Variants in RP9 observed in about 807,000 individuals in gnomAD.
The protein encoded by RP9 is retinitis pigmentosa 9 protein.
Under a neutral mutation model 32.6 loss-of-function variants are expected in RP9, and 23 were observed. The ratio of observed to expected loss-of-function variants is 0.71; its 90% CI spans 0.51 to 1.00. The LOEUF (loss-of-function observed/expected upper bound fraction) is 1.00. Ranked by LOEUF, RP9 falls within the 50% of genes least tolerant of loss-of-function variation. The pLI, the probability that RP9 is intolerant of heterozygous loss-of-function variation, is 0.00. For synonymous variants in RP9, 94 were observed against 103.6 expected, an observed-to-expected ratio of 0.91 and a Z score of 0.56; for missense variants, 245 against 285.3, an observed-to-expected ratio of 0.86 and a Z score of 1.02.
intron 1 of RP9, among the ~76,000 whole-genome samples, chr7:33,104,274 CTG>C (rs1554297096): frequency 1.3e-5 from 2 of 151,992 alleles, no homozygotes; most frequent in African/African-American, 4.8e-5. Flanking sequence ...ACTGCACAAA[CTG>C]GGGAACAACA....
intron 3 of RP9, among the ~76,000 whole-genome samples, chr7:33,098,938 A>C (rs1260740368): frequency 6.6e-6 from 1 of 152,216 alleles, no homozygotes; most frequent in Non-Finnish European, 1.5e-5. Flanking sequence ...AGAGAGGCTA[A>C]GGGGACCTGC....
chr7:33,098,348 C>T (rs6947994), intron 3 of RP9, among the ~76,000 whole-genome samples: 75,887 of 151,996 alleles, frequency 0.5, 19,232 homozygotes, highest in African/African-American at 0.57. Context: ...CACACCACTG[C>T]ACTCCAGCCC....
At chr7:33,106,956 C>A (rs1467876031) in intron 1 of RP9, among the ~76,000 whole-genome samples, 15 of 149,678 alleles carry the variant, frequency 1.0e-4, no homozygotes, top group East Asian at 3.9e-4. Flanking sequence ...AAAAAAAAAA[C>A]AAAAACCAAA....
intron 3 of RP9, 136 bp downstream of exon 3, chr7:33,099,170 TC>T: frequency 9.9e-7 from 1 of 1,005,928 alleles, no homozygotes; most frequent in Non-Finnish European, 1.6e-6. Flanking sequence ...GGTGGATGCT[TC>T]CTTATCTAGA....
intron 5 of RP9, 121 bp downstream of exon 5, chr7:33,096,372 T>C: frequency 2.6e-6 from 2 of 767,760 alleles, no homozygotes; most frequent in Non-Finnish European, 4.6e-6. Flanking sequence ...GCACTCCACA[T>C]ATTTTCACAA....
At position 33,109,394 on chromosome 7, in the gene RP9, CG is replaced by C; in HGVS notation, c.-23del. 8.5e-7 allele frequency: 1 copy of C among 1,175,428 alleles called. No homozygotes were observed. The highest frequency in any genetic ancestry group is 1.1e-6 in the Non-Finnish European group (1 of 951,228). The allele number at this position is 1,175,428 out of a possible 1,614,324, so 72.8% of individuals were successfully genotyped here. A position where few individuals can be genotyped will look rare whatever the true frequency, so the allele number is the denominator to read the frequency against. On this transcript the variant is annotated 5_prime_UTR_variant, in exon 1 of 6. Transcript: ENST00000297157. This position sits in a 1 kb window ranked among gnomAD's most constrained non-coding sequence, Gnocchi z 4.9. ...ACATGTCAGCCCCCGCAGCGCCGCT[CG>C]GGCAACCCCCGCGGCGCGGCTCCGG...
chr7:33,107,729 T>C (rs4083279), intron 1 of RP9, among the ~76,000 whole-genome samples: 3,766 of 152,350 alleles, frequency 0.025, 127 homozygotes, highest in East Asian at 0.17. Context: ...AGGATTTTAA[T>C]TCTTTGAGGA....
chr7:33,108,144 G>A (rs984197908), intron 1 of RP9, among the ~76,000 whole-genome samples: 1 of 152,242 alleles, frequency 6.6e-6, no homozygotes, highest in Non-Finnish European at 1.5e-5. Context: ...CAAGGAGGCA[G>A]CGTTAGGCTA....
chr7:33,099,506 A>G lies in RP9; in HGVS notation c.184-70T>C, dbSNP rs544515705. 4 of 1,585,480 alleles carry G rather than the reference A, an allele frequency of 2.5e-6. No individual in the cohort carries two copies. In the East Asian group the frequency reaches 6.7e-5, roughly 27 times the overall value. On this transcript the variant is annotated intron_variant, in intron 2 of 5. Coordinates refer to ENST00000297157, the MANE Select transcript of RP9 (RefSeq NM_203288.2). ...ATTCTCTCCTGCTCCCCTTGGAGCC[A>G]CCCTTGCCTGGCTTTTTCCTGGGCT...
intron 5 of RP9, among the ~76,000 whole-genome samples, chr7:33,095,925 G>A (rs768014449): frequency 6.6e-6 from 1 of 151,950 alleles, no homozygotes; most frequent in Non-Finnish European, 1.5e-5. Context: ...TCAACCTACT[G>A]GGGTCAAGTA....
intron 3 of RP9, 66 bp from the exon 4 acceptor site, chr7:33,097,428 C>A (rs747429937): frequency 8.7e-7 from 1 of 1,146,712 alleles, no homozygotes; most frequent in Non-Finnish European, 1.3e-6. Flanking sequence ...AAAGAATCAG[C>A]AGAATATATT....
intron 1 of RP9, 169 bp from the exon 2 acceptor site, chr7:33,100,730 C>T (rs774683423): frequency 1.4e-5 from 10 of 714,400 alleles, no homozygotes; most frequent in Non-Finnish European, 2.6e-5. Flanking sequence ...AATGCTTCTC[C>T]TCCCTGTGCT....
rs1788310292 is a variant in RP9, at chr7:33,095,158, T to C, written c.*76A>G. The C allele has an allele frequency of 2.5e-6, 4 of 1,585,612 alleles. No homozygotes were observed. The highest frequency in any genetic ancestry group is 3.5e-6 in the Non-Finnish European group (4 of 1,154,650). ...TCCTCTCTCGGCGTCTCTATCCTGC[T>C]GCTTTCTCTGACTGCATCTTCCTCT... is the stretch of plus-strand genomic sequence containing the variant. On this transcript the variant is annotated 3_prime_UTR_variant, in exon 6 of 6. Transcript: ENST00000297157.
chr7:33,098,201 C>A (rs1388542528), intron 3 of RP9, among the ~76,000 whole-genome samples: 1 of 151,928 alleles, frequency 6.6e-6, no homozygotes, highest in Non-Finnish European at 1.5e-5. Context: ...GCTTAGGCAA[C>A]ATGGTGAAAC....
intron 2 of RP9, among the ~76,000 whole-genome samples, chr7:33,099,750 C>A (rs1788398695): frequency 6.6e-6 from 1 of 152,058 alleles, no homozygotes; most frequent in Middle Eastern, 3.4e-3. Flanking sequence ...AAAAAAGTTT[C>A]ACTACCTCAA....
intron 1 of RP9, chr7:33,100,786 A>G (rs1429664744): frequency 5.9e-6 from 4 of 676,674 alleles, no homozygotes; most frequent in Middle Eastern, 2.4e-4. Context: ...CCTTATTTCC[A>G]TCCAGGGACT....
Sources: gnomAD v4.1 joint callset for allele counts (sites outside exome capture counted in the v4.1 genomes callset) on GRCh38, gnomAD v4.1.1 for gene constraint, Gnocchi (gnomAD v3.1) non-coding constraint, MANE v1.5 for transcripts, NCBI Gene and HGNC (gene_info 2026-07-23, HGNC 2026-07-21) for gene names.